CDH13: variants seen among roughly 807,000 people sequenced by gnomAD.
CDH13 encodes cadherin-13.
A neutral mutation model predicts 63.8 loss-of-function variants in CDH13; 24 were observed. That is an observed-to-expected ratio of 0.38 (90% CI 0.27 to 0.53). The LOEUF (loss-of-function observed/expected upper bound fraction) is 0.53. CDH13 is among the 20% of genes least tolerant of loss of function. The pLI is 0.85. For synonymous variants in CDH13, 503 were observed against 355.3 expected, an observed-to-expected ratio of 1.42 and a Z score of -4.67; for missense variants, 1,049 against 903.1, an observed-to-expected ratio of 1.16 and a Z score of -2.07.
intron 7 of CDH13, among the ~76,000 whole-genome samples, chr16:83,509,980 A>T (rs1421134614): frequency 6.6e-6 from 1 of 152,000 alleles, no homozygotes; most frequent in Non-Finnish European, 1.5e-5. Context: ...TAGCCAGCGT[A>T]CCTCCTTGTG....
At chr16:82,925,812 GCTCCAGGT>G (rs1214002923) in intron 2 of CDH13, 2 of 151,806 alleles carry the variant, frequency 1.3e-5, no homozygotes, top group East Asian at 3.9e-4. Context: ...TGATTCACTG[GCTCCAGGT>G]CTCCTACCAC....
chr16:83,126,072 C>T (rs935935257), intron 4 of CDH13, among the ~76,000 whole-genome samples: 1 of 152,200 alleles, frequency 6.6e-6, no homozygotes, highest in African/African-American at 2.4e-5. Context: ...AGTACATTCT[C>T]CCCTCTTTAA....
At chr16:83,781,739 T>C (rs750164443) in intron 12 of CDH13, among the ~76,000 whole-genome samples, 6 of 151,944 alleles carry the variant, frequency 3.9e-5, no homozygotes, top group Non-Finnish European at 5.9e-5. Flanking sequence ...TTCTTTCCAA[T>C]TGGAACTTTC....
chr16:82,864,982 C>T lies in CDH13; in HGVS notation c.157+6509C>T, dbSNP rs556394161. ...TTGGCCAAAACGAAGGGTCTACAGGCCCCACGCAAGTCCAAAATCCAGCAG... is the reference window on the plus strand; with the variant it reads ...TTGGCCAAAACGAAGGGTCTACAGGTCCCACGCAAGTCCAAAATCCAGCAG... On this transcript the variant is annotated intron_variant, in intron 2 of 13. Coordinates refer to ENST00000567109, the MANE Select transcript of CDH13 (RefSeq NM_001257.5). 2.0e-4 allele frequency among the ~76,000 whole-genome samples: 30 copies of T among 152,290 alleles called. No homozygotes were observed. In the Middle Eastern group the frequency reaches 0.014, roughly 69 times the overall value.
intron 2 of CDH13, among the ~76,000 whole-genome samples, chr16:82,892,628 G>A (rs1447386077): frequency 6.6e-6 from 1 of 152,192 alleles, no homozygotes; most frequent in Non-Finnish European, 1.5e-5. Context: ...GAGAGTTTGG[G>A]ATGGATCTAA....
At chr16:83,296,867 G>A (rs2089611471) in intron 5 of CDH13, among the ~76,000 whole-genome samples, 1 of 152,200 alleles carries the variant, frequency 6.6e-6, no homozygotes, top group Non-Finnish European at 1.5e-5. Context: ...GGTGCTCTGT[G>A]TTTCCAGCAT....
chr16:83,561,690 T>C (rs1360079063), intron 7 of CDH13, among the ~76,000 whole-genome samples: 2 of 152,208 alleles, frequency 1.3e-5, no homozygotes, highest in Non-Finnish European at 2.9e-5. Context: ...CTACCTAATA[T>C]AGAAGGTGAT....
chr16:82,720,639 A>G (rs2032710289), intron 1 of CDH13, among the ~76,000 whole-genome samples: 1 of 151,876 alleles, frequency 6.6e-6, no homozygotes, highest in African/African-American at 2.4e-5. Context: ...GAGAATGTAC[A>G]AACTCCACAC....
intron 6 of CDH13, among the ~76,000 whole-genome samples, chr16:83,463,163 G>C (rs1470072097): frequency 6.6e-6 from 1 of 152,202 alleles, no homozygotes; most frequent in African/African-American, 2.4e-5. Flanking sequence ...ACAACCTGGG[G>C]CAGGGGCATT....
chr16:83,065,696 T>C (rs112379737), intron 3 of CDH13, among the ~76,000 whole-genome samples: 3 of 23,642 alleles, frequency 1.3e-4, no homozygotes, highest in Admixed American at 4.8e-4. Context: ...CAGAACGAGA[T>C]TTGTCTCAAA....
intron 3 of CDH13, among the ~76,000 whole-genome samples, chr16:83,061,776 G>A (rs766521133): frequency 6.6e-6 from 1 of 152,120 alleles, no homozygotes; most frequent in African/African-American, 2.4e-5. Context: ...CCCCAGATAC[G>A]GCACTTATGA....
intron 5 of CDH13, among the ~76,000 whole-genome samples, chr16:83,339,208 T>G (rs1287229433): frequency 6.6e-6 from 1 of 152,082 alleles, no homozygotes; most frequent in African/African-American, 2.4e-5. Flanking sequence ...AAGGTTTCAT[T>G]TGAGGAAGAG....
chr16:83,594,237 G>A (rs570090316), intron 7 of CDH13, among the ~76,000 whole-genome samples: 2 of 152,282 alleles, frequency 1.3e-5, no homozygotes, highest in South Asian at 2.1e-4. Flanking sequence ...AATAGCAGTA[G>A]CATCTCTCCA....
intron 3 of CDH13, among the ~76,000 whole-genome samples, chr16:83,044,810 G>A (rs1014303656): frequency 2.0e-5 from 3 of 152,124 alleles, no homozygotes; most frequent in African/African-American, 4.8e-5. Context: ...CAAGTGCATC[G>A]CTGCAGCCAT....
rs79295020 is a variant in CDH13 at position 82,681,282 on chromosome 16, A to G, written c.45+54145A>G. ...ATACCGTGTGGTTCCATTTAGATGAAATGTCCAGAATAGGCAATTCCATGG... is the reference window on the plus strand; with the variant it reads ...ATACCGTGTGGTTCCATTTAGATGAGATGTCCAGAATAGGCAATTCCATGG... On this transcript the variant is annotated intron_variant, in intron 1 of 13. Transcript: ENST00000567109. Among the ~76,000 whole-genome samples, 372 of 152,292 alleles carry G rather than the reference A, an allele frequency of 2.4e-3. 2 individuals are homozygous for G. The highest frequency in any genetic ancestry group is 8.6e-3 in the African/African-American group (357 of 41,560).
At chr16:83,314,967 G>C (rs544983953) in intron 5 of CDH13, among the ~76,000 whole-genome samples, 175 of 152,246 alleles carry the variant, frequency 1.1e-3, no homozygotes, top group Non-Finnish European at 1.5e-3. Context: ...GAAAAGACTT[G>C]GGAGGTGGGC....
intron 5 of CDH13, among the ~76,000 whole-genome samples, chr16:83,289,986 C>A (rs2089425523): frequency 6.6e-6 from 1 of 152,160 alleles, no homozygotes; most frequent in African/African-American, 2.4e-5. Context: ...TAATCACCAG[C>A]TTCTCCCCAG....
chr16:83,039,079 C>A (rs1006128612), intron 3 of CDH13, among the ~76,000 whole-genome samples: 2 of 152,200 alleles, frequency 1.3e-5, no homozygotes, highest in Non-Finnish European at 2.9e-5. Flanking sequence ...GGCAGCTGGT[C>A]CTTATGAACA....
At chr16:82,888,126 C>A (rs553322382) in intron 2 of CDH13, among the ~76,000 whole-genome samples, 1 of 152,226 alleles carries the variant, frequency 6.6e-6, no homozygotes, top group South Asian at 2.1e-4. Flanking sequence ...ATCCAAGTTC[C>A]AAAAAGCACC....
Sources: gnomAD v4.1 joint callset for allele counts (sites outside exome capture counted in the v4.1 genomes callset) on GRCh38, gnomAD v4.1.1 for gene constraint, MANE v1.5 for transcripts, NCBI Gene and HGNC (gene_info 2026-07-23, HGNC 2026-07-21) for gene names.